UXS1: variants seen among roughly 807,000 people sequenced by gnomAD.
UXS1 encodes UDP-glucuronate decarboxylase 1.
Under a neutral mutation model 62.6 loss-of-function variants are expected in UXS1, and 33 were observed. That is an observed-to-expected ratio of 0.53 (90% confidence interval 0.40 to 0.70). UXS1 has a LOEUF of 0.70. Among genes scored for constraint, UXS1 ranks in the 30% least tolerant of loss-of-function variants. The pLI is 0.00. For synonymous variants in UXS1, 213 were observed against 206.8 expected (o/e 1.03, Z -0.26); for missense variants, 434 against 556.3 (o/e 0.78, Z 2.21).
At chr2:106,176,962 T>C (rs973147565) in intron 1 of UXS1, among the ~76,000 whole-genome samples, 13 of 152,174 alleles carry the variant, frequency 8.5e-5, no homozygotes, top group East Asian at 1.9e-4. Flanking sequence ...CACCTTCCCA[T>C]AGGCTTACCC....
chr2:106,126,454 GC>G (rs1372391746), intron 7 of UXS1, among the ~76,000 whole-genome samples: 1 of 151,916 alleles, frequency 6.6e-6, no homozygotes, highest in South Asian at 2.1e-4. Flanking sequence ...CCTCAGCTCT[GC>G]CCCCCCACCA....
chr2:106,153,181 C>A (rs866850880), intron 5 of UXS1, among the ~76,000 whole-genome samples: 2 of 152,170 alleles, frequency 1.3e-5, no homozygotes, highest in South Asian at 2.1e-4. Flanking sequence ...CTTAAGAAAC[C>A]TCCTGGGGTC....
rs374774403 is a variant in UXS1, at chr2:106,193,174, C to T, written c.94+974G>A. 6.6e-5 allele frequency among the ~76,000 whole-genome samples: 10 copies of T among 152,116 alleles called. No individual in the cohort carries two copies. The South Asian group carries it at 1.5e-3, about 22-fold the overall frequency. Reference sequence around the variant, plus strand: ...TCCTAGAGCTCAACTGAAGTCACTTCAGACAAGTGAAGTACCCACTCACCT... The same window carrying T: ...TCCTAGAGCTCAACTGAAGTCACTTTAGACAAGTGAAGTACCCACTCACCT... On this transcript the variant is annotated intron_variant, in intron 1 of 14. Coordinates refer to ENST00000283148, the MANE Select transcript of UXS1 (RefSeq NM_001253875.2).
intron 1 of UXS1, among the ~76,000 whole-genome samples, chr2:106,190,743 C>CAACAAAAA (rs1684870420): frequency 3.2e-5 from 4 of 124,874 alleles, no homozygotes; most frequent in Middle Eastern, 4.2e-3. Flanking sequence ...AACTCTGTAT[C>CAACAAAAA]AAAAAAAAAA....
At chr2:106,127,119 T>G (rs1475207669) in intron 7 of UXS1, among the ~76,000 whole-genome samples, 2 of 152,184 alleles carry the variant, frequency 1.3e-5, no homozygotes, top group Non-Finnish European at 2.9e-5. Context: ...GATATATGTA[T>G]GCACTGCCGT....
chr2:106,117,402 C>G (rs969209574), intron 9 of UXS1, among the ~76,000 whole-genome samples: 7 of 152,176 alleles, frequency 4.6e-5, no homozygotes, highest in African/African-American at 9.7e-5. Flanking sequence ...GAACTTAACT[C>G]TTGTTATAGC....
At chr2:106,096,140 A>G (rs1677064628) in intron 14 of UXS1, among the ~76,000 whole-genome samples, 1 of 152,040 alleles carries the variant, frequency 6.6e-6, no homozygotes, top group African/African-American at 2.4e-5. Context: ...CAGGGCTCTG[A>G]GCGTGTGCTG....
chr2:106,189,115 A>G (rs1175189782), intron 1 of UXS1, among the ~76,000 whole-genome samples: 1 of 152,222 alleles, frequency 6.6e-6, no homozygotes, highest in Non-Finnish European at 1.5e-5. Context: ...GTAGTCCCAG[A>G]AAGAGATGAA....
chr2:106,125,668 G>A lies in UXS1; in HGVS notation c.589C>T (p.Arg197Ter). 5 of 1,577,964 alleles carry A rather than the reference G, an allele frequency of 3.2e-6. No homozygotes were observed. Among genetic ancestry groups the A allele is most frequent in the Non-Finnish European group, 3.4e-6 (4 of 1,161,540 alleles). ...GTLNMLGLAKRVGARLLLAST... is the reference protein window; with the variant it reads ...GTLNMLGLAK ...GCCAGGAGCAGACGGGCACCGACTC[G>A]TTTTGCCAGCCCTACAGAAAGCAAT... The change falls in exon 8 of 15, where the codon CGA becomes TGA. Residue 197 changes from arginine to a stop codon, truncating the protein, a stop_gained. Coordinates refer to ENST00000283148, the MANE Select transcript of UXS1 (RefSeq NM_001253875.2). LOFTEE classifies it high-confidence loss of function.
intron 14 of UXS1, among the ~76,000 whole-genome samples, chr2:106,095,108 A>G (rs151150432): frequency 6.6e-6 from 1 of 152,364 alleles, no homozygotes; most frequent in African/African-American, 2.4e-5. Flanking sequence ...ATGTTAGAAT[A>G]TTATAGGTCT....
intron 1 of UXS1, among the ~76,000 whole-genome samples, chr2:106,182,826 G>A (rs1232972089): frequency 2.6e-5 from 4 of 151,714 alleles, no homozygotes; most frequent in African/African-American, 4.8e-5. Context: ...GTGGGTGGGG[G>A]TGGGGTGGGA....
chr2:106,172,355 G>A (rs555877543), intron 1 of UXS1, among the ~76,000 whole-genome samples: 1 of 152,340 alleles, frequency 6.6e-6, no homozygotes, highest in East Asian at 1.9e-4. Context: ...CCTCTAGACG[G>A]AACCATGCAC....
chr2:106,115,108 CGAT>C (rs1678958598), intron 9 of UXS1, among the ~76,000 whole-genome samples: 2 of 152,170 alleles, frequency 1.3e-5, no homozygotes, highest in South Asian at 4.1e-4. Context: ...GGGGGACAGT[CGAT>C]GGATGCTGAC....
At chr2:106,125,234 T>C (rs1355847384) in intron 8 of UXS1, among the ~76,000 whole-genome samples, 1 of 152,218 alleles carries the variant, frequency 6.6e-6, no homozygotes, top group South Asian at 2.1e-4. Flanking sequence ...GGCCAGCCCA[T>C]GAGCTCTTGG....
At chr2:106,104,356 C>T (rs1014440098) in intron 11 of UXS1, among the ~76,000 whole-genome samples, 2 of 152,206 alleles carry the variant, frequency 1.3e-5, no homozygotes, top group African/African-American at 2.4e-5. Flanking sequence ...TTAGTTTCAG[C>T]GTGAAATTCA....
At chr2:106,190,743 C>CAAAAAAAAAAA (rs35043298) in intron 1 of UXS1, among the ~76,000 whole-genome samples, 4 of 124,882 alleles carry the variant, frequency 3.2e-5, no homozygotes, top group African/African-American at 3.1e-5. Context: ...AACTCTGTAT[C>CAAAAAAAAAAA]AAAAAAAAAA....
Position 106,194,215 on chromosome 2 carries a change from G to GT in UXS1, c.26_27insA (p.Val10ArgfsTer30). 6.8e-7 allele frequency: 1 copy of GT among 1,468,198 alleles called. No homozygotes were observed. The highest frequency in any genetic ancestry group is 9.0e-7 in the Non-Finnish European group (1 of 1,107,278). The allele number at this position is 1,468,198 out of a possible 1,614,324, so 90.9% of individuals were successfully genotyped here. A position where few individuals can be genotyped will look rare whatever the true frequency, so the allele number is the denominator to read the frequency against. On this transcript the variant is annotated frameshift_variant, in exon 1 of 15. Transcript: ENST00000283148. LOFTEE classifies it high-confidence loss of function. ...TCCTCCTGCGGTTGACGGCAGACACGAGGCGCAGCAGCGCCTTGCTCACCA... is the reference window on the plus strand; with the variant it reads ...TCCTCCTGCGGTTGACGGCAGACACGTAGGCGCAGCAGCGCCTTGCTCACCA...
At position 106,093,491 on chromosome 2, in the gene UXS1, T is replaced by C. The variant is rs1199343797; in HGVS notation, c.*535A>G. The C allele has an allele frequency of 6.6e-6, 1 of 151,980 alleles. No homozygotes were observed. The highest frequency in any genetic ancestry group is 2.4e-5 in the African/African-American group (1 of 41,110). 9.4% of individuals were successfully genotyped at this position (151,980 alleles called of 1,614,324 possible). A position where few individuals can be genotyped will look rare whatever the true frequency, so the allele number is the denominator to read the frequency against. On this transcript the variant is annotated 3_prime_UTR_variant, in exon 15 of 15. Coordinates refer to ENST00000283148, the MANE Select transcript of UXS1 (RefSeq NM_001253875.2). Reference sequence around the variant, plus strand: ...CAAAGTCAAGTTTGCAACTCAAAAGTAGACCTTGGAAAAACTCTGAATTAA... The same window carrying C: ...CAAAGTCAAGTTTGCAACTCAAAAGCAGACCTTGGAAAAACTCTGAATTAA...
intron 5 of UXS1, among the ~76,000 whole-genome samples, chr2:106,156,382 A>C (rs929185036): frequency 3.9e-5 from 6 of 152,172 alleles, no homozygotes; most frequent in Non-Finnish European, 8.8e-5. Context: ...AAAGACAGAC[A>C]ATAAGAAGTG....
Sources: gnomAD v4.1 joint callset for allele counts (sites outside exome capture counted in the v4.1 genomes callset) on GRCh38, gnomAD v4.1.1 for gene constraint, MANE v1.5 for transcripts, NCBI Gene and HGNC (gene_info 2026-07-23, HGNC 2026-07-21) for gene names.